POLB: variants seen among roughly 807,000 people sequenced by gnomAD.
The protein encoded by POLB is DNA polymerase beta.
In POLB, 37 loss-of-function variants were observed where a neutral mutation model predicts 52.7. The ratio of observed to expected loss-of-function variants is 0.70; its 90% confidence interval spans 0.54 to 0.92. POLB has a LOEUF of 0.92. POLB is among the 40% of genes least tolerant of loss of function. The pLI is 0.00. For missense variants in POLB, 313 were observed against 400.8 expected (o/e 0.78, Z 1.87); for synonymous variants, 138 against 131.3 (o/e 1.05, Z -0.35).
In POLB at chr8:42,349,989, C is replaced by CTTTTTTTT. The variant is rs748183535; in HGVS notation, c.262-15_262-8dup. 1.4e-6 allele frequency: 2 copies of CTTTTTTTT among 1,424,186 alleles called. No homozygotes were observed. Among genetic ancestry groups the CTTTTTTTT allele is most frequent in the Non-Finnish European group, 9.7e-7 (1 of 1,028,748 alleles). The allele number at this position is 1,424,186 out of a possible 1,614,324, so 88.2% of individuals were successfully genotyped here. On this transcript the variant is annotated splice_polypyrimidine_tract_variant and intron_variant, in intron 4 of 13. Coordinates refer to ENST00000265421, the MANE Select transcript of POLB (RefSeq NM_002690.3). ...AAAGCATTCCTAAATCATTGTTAGACTTTTTTTTTTCTTAAAGATTCGGCA... is the reference window on the plus strand; with the variant it reads ...AAAGCATTCCTAAATCATTGTTAGACTTTTTTTTTTTTTTTTTTCTTAAAGATTCGGCA...
intron 4 of POLB, chr8:42,349,420 G>A (rs907265735): frequency 5.8e-6 from 1 of 173,564 alleles, no homozygotes; most frequent in Non-Finnish European, 1.2e-5. Flanking sequence ...ATGGAGTCTT[G>A]CTCTGTCGCC....
intron 6 of POLB, among the ~76,000 whole-genome samples, 200 bp downstream of exon 6, chr8:42,352,768 C>G (rs1188312089): frequency 6.6e-6 from 1 of 152,104 alleles, no homozygotes; most frequent in African/African-American, 2.4e-5. Context: ...TTGTAACTAA[C>G]TCAGAGAAAA....
chr8:42,341,302 A>C (rs1316425847), intron 2 of POLB, among the ~76,000 whole-genome samples: 1 of 152,250 alleles, frequency 6.6e-6, no homozygotes, highest in Non-Finnish European at 1.5e-5. Context: ...TTTGCCTCAC[A>C]GTGCCAATGA....
chr8:42,354,326 A>G (rs1823165643), intron 6 of POLB: 2 of 433,406 alleles, frequency 4.6e-6, no homozygotes, highest in Middle Eastern at 3.5e-4. Flanking sequence ...TCGATTTTAT[A>G]TCTCCAGAGG....
chr8:42,350,758 C>T (rs143404184), intron 5 of POLB, among the ~76,000 whole-genome samples: 2 of 152,028 alleles, frequency 1.3e-5, no homozygotes, highest in Non-Finnish European at 2.9e-5. Context: ...GCAGCATTTT[C>T]GGTGAAAGTT....
Position 42,362,896 on chromosome 8 carries a change from G to A in POLB, c.708+198G>A, listed in dbSNP as rs913173632. On this transcript the variant is annotated intron_variant, in intron 11 of 13. Coordinates refer to ENST00000265421, the MANE Select transcript of POLB (RefSeq NM_002690.3). ...TCCCAGCCCTTTGGGAGGCCGAGGC[G>A]GGTGGATCGCCTGAGGTCGGGAGCT... Among the ~76,000 whole-genome samples, 51 of 151,850 alleles carry A rather than the reference G, an allele frequency of 3.4e-4. 1 individual carries two copies. Among genetic ancestry groups the A allele is most frequent in the Non-Finnish European group, 2.5e-4 (17 of 67,960 alleles).
At chr8:42,345,498 G>A (rs966482276) in intron 3 of POLB, among the ~76,000 whole-genome samples, 2 of 152,230 alleles carry the variant, frequency 1.3e-5, no homozygotes, top group South Asian at 2.1e-4. Context: ...TAATTTCCAC[G>A]AAGCCTTGTG....
intron 7 of POLB, among the ~76,000 whole-genome samples, chr8:42,355,943 T>C (rs1392383218): frequency 1.3e-5 from 2 of 152,136 alleles, no homozygotes; most frequent in Non-Finnish European, 1.5e-5. Context: ...TTAAGAAGTT[T>C]ATAGTCTACC....
chr8:42,349,550 A>G (rs1014592750), intron 4 of POLB, among the ~76,000 whole-genome samples: 17 of 152,002 alleles, frequency 1.1e-4, no homozygotes, highest in African/African-American at 4.1e-4. Context: ...CACCACACCC[A>G]GCTAATTTTT....
chr8:42,371,425 CTT>C (rs1046325158), intron 13 of POLB, 136 bp from the exon 14 acceptor site: 321 of 365,690 alleles, frequency 8.8e-4, no homozygotes, highest in Non-Finnish European at 1.0e-3. Flanking sequence ...ATCCGCCGGT[CTT>C]TTTTTTTTTA....
chr8:42,348,280 T>A (rs1822757068), intron 3 of POLB, among the ~76,000 whole-genome samples: 1 of 152,234 alleles, frequency 6.6e-6, no homozygotes, highest in Non-Finnish European at 1.5e-5. Context: ...AGACAGGATC[T>A]CTGCTCTCCC....
At position 42,369,258 on chromosome 8, in the gene POLB, A is replaced by C. The variant is rs912324554; in HGVS notation, c.709-13A>C. On this transcript the variant is annotated splice_polypyrimidine_tract_variant and intron_variant, in intron 11 of 13. Transcript: ENST00000265421. ...AGAACATCTTTAAACTTGGTTTAAA[A>C]TGTTCATTTTAGGGTGTTTGCCAGC... The C allele has an allele frequency of 1.3e-6, 2 of 1,518,002 alleles. No individual in the cohort carries two copies. The highest frequency in any genetic ancestry group is 1.8e-6 in the Non-Finnish European group (2 of 1,095,250). The allele number at this position is 1,518,002 out of a possible 1,614,324, so 94.0% of individuals were successfully genotyped here. A position where few individuals can be genotyped will look rare whatever the true frequency, so the allele number is the denominator to read the frequency against.
chr8:42,353,559 A>T (rs879383043), intron 6 of POLB, among the ~76,000 whole-genome samples: 4 of 152,076 alleles, frequency 2.6e-5, no homozygotes, highest in Admixed American at 6.5e-5. Context: ...CCTAACAAGT[A>T]ATTATAAAAC....
At chr8:42,361,570 T>C in intron 10 of POLB, 1 of 547,474 alleles carries the variant, frequency 1.8e-6, no homozygotes, top group Non-Finnish European at 3.2e-6. Flanking sequence ...GGGAGGACAG[T>C]CTAACATTTG....
At chr8:42,353,922 T>G (rs1190969664) in intron 6 of POLB, among the ~76,000 whole-genome samples, 1 of 145,294 alleles carries the variant, frequency 6.9e-6, no homozygotes, top group Non-Finnish European at 1.6e-5. Flanking sequence ...TTATGAGGCA[T>G]GATTAGTAGT....
At chr8:42,366,801 C>T (rs1408156543) in intron 11 of POLB, among the ~76,000 whole-genome samples, 1 of 152,128 alleles carries the variant, frequency 6.6e-6, no homozygotes, top group Non-Finnish European at 1.5e-5. Context: ...GATATTTGCC[C>T]TACGTCAGAA....
chr8:42,342,243 C>T (rs1822247291), intron 2 of POLB: 1 of 1,545,678 alleles, frequency 6.5e-7, no homozygotes, highest in Non-Finnish European at 8.8e-7. Flanking sequence ...ATGCTTTCTA[C>T]ATTGTATTAT....
rs1824416993 is a variant in POLB, at chr8:42,371,751, T to C, written c.*94T>C. On this transcript the variant is annotated 3_prime_UTR_variant, in exon 14 of 14. Coordinates refer to ENST00000265421, the MANE Select transcript of POLB (RefSeq NM_002690.3). ...AAGGGTCTTTGGTGTTTTTAAATGA[T>C]TGTTTCTTCTTCATGCTTTTGCTTG... is the stretch of plus-strand genomic sequence containing the variant. 5.5e-6 allele frequency: 4 copies of C among 726,002 alleles called. No individual in the cohort carries two copies. Among genetic ancestry groups the C allele is most frequent in the Non-Finnish European group, 9.9e-6 (4 of 405,044 alleles). 45.0% of individuals were successfully genotyped at this position (726,002 alleles called of 1,614,324 possible). A position where few individuals can be genotyped will look rare whatever the true frequency, so the allele number is the denominator to read the frequency against.
intron 6 of POLB, among the ~76,000 whole-genome samples, chr8:42,352,935 G>A (rs1221953688): frequency 2.0e-5 from 3 of 151,652 alleles, no homozygotes; most frequent in African/African-American, 4.8e-5. Context: ...TTAGCCGGGT[G>A]TGGTGGCAGG....
Sources: allele counts gnomAD v4.1 joint callset (sites outside exome capture counted in the v4.1 genomes callset), GRCh38; gene constraint gnomAD v4.1.1; transcripts MANE v1.5; gene names NCBI Gene and HGNC (gene_info 2026-07-23, HGNC 2026-07-21).